The following ADAMTS12 variants were observed in gnomAD, a reference collection of about 807,000 sequenced individuals.
ADAMTS12 encodes the protein A disintegrin and metalloproteinase with thrombospondin motifs 12.
A neutral mutation model predicts 167.8 loss-of-function variants in ADAMTS12; 118 were observed. That is an observed-to-expected ratio of 0.70 (90% CI 0.61 to 0.82). ADAMTS12 has a LOEUF of 0.82. Among genes scored for constraint, ADAMTS12 ranks in the 40% least tolerant of loss-of-function variants. The probability of loss-of-function intolerance (pLI) is 0.00; values close to 1 mark genes in which losing one functional copy is unlikely to be tolerated. For synonymous variants in ADAMTS12, 704 were observed against 716.9 expected (o/e 0.98, Z 0.29); for missense variants, 1,916 against 1,998.8 (o/e 0.96, Z 0.79).
intron 16 of ADAMTS12, among the ~76,000 whole-genome samples, chr5:33,612,772 G>A (rs1738790421): frequency 6.6e-6 from 1 of 152,170 alleles, no homozygotes; most frequent in African/African-American, 2.4e-5. Context: ...GTTTGGAAAT[G>A]CTAGAGGCAG....
intron 20 of ADAMTS12, among the ~76,000 whole-genome samples, chr5:33,559,515 G>A (rs1745637360): frequency 6.6e-6 from 1 of 152,184 alleles, no homozygotes; most frequent in Non-Finnish European, 1.5e-5. Context: ...TTTTCACAAG[G>A]AACTATGGAG....
At chr5:33,609,879 A>C (rs1414259037) in intron 16 of ADAMTS12, among the ~76,000 whole-genome samples, 1 of 152,184 alleles carries the variant, frequency 6.6e-6, no homozygotes, top group African/African-American at 2.4e-5. Context: ...AAAAAATAAT[A>C]CATATAAATT....
chr5:33,722,638 G>A (rs141674539), intron 3 of ADAMTS12, among the ~76,000 whole-genome samples: 5 of 152,284 alleles, frequency 3.3e-5, no homozygotes, highest in African/African-American at 1.2e-4. Flanking sequence ...TGGCTATGCA[G>A]AAACGAAGAC....
intron 3 of ADAMTS12, among the ~76,000 whole-genome samples, chr5:33,694,196 G>T (rs1325353685): frequency 1.3e-5 from 2 of 152,126 alleles, no homozygotes; most frequent in Non-Finnish European, 2.9e-5. Context: ...TCATGGATAG[G>T]AAGAATCAAT....
intron 2 of ADAMTS12, among the ~76,000 whole-genome samples, chr5:33,795,771 A>C (rs1480558623): frequency 6.6e-6 from 1 of 152,224 alleles, no homozygotes; most frequent in Non-Finnish European, 1.5e-5. Flanking sequence ...CACTGGTAGA[A>C]GTAAAAGCTG....
intron 3 of ADAMTS12, among the ~76,000 whole-genome samples, chr5:33,721,267 T>C (rs1743795379): frequency 6.6e-6 from 1 of 152,228 alleles, no homozygotes; most frequent in African/African-American, 2.4e-5. Context: ...TGTCATGTTC[T>C]GCTTCTTGGC....
chr5:33,754,861 AAAATAAAT>A (rs373100027), intron 2 of ADAMTS12, among the ~76,000 whole-genome samples: 2 of 152,090 alleles, frequency 1.3e-5, no homozygotes, highest in Admixed American at 6.6e-5. Flanking sequence ...ACTCCATCTC[AAAATAAAT>A]AAATAAATAA....
At chr5:33,851,540 G>A (rs1007012286) in intron 2 of ADAMTS12, among the ~76,000 whole-genome samples, 1 of 152,114 alleles carries the variant, frequency 6.6e-6, no homozygotes, top group African/African-American at 2.4e-5. Context: ...CTTTCCAGAG[G>A]AGGGATGTAA....
chr5:33,643,389 C>T lies in ADAMTS12; in HGVS notation c.1561G>A (p.Gly521Ser), dbSNP rs1740540442. 4 of 1,614,132 alleles carry T rather than the reference C, an allele frequency of 2.5e-6. No homozygotes were observed. The East Asian group carries it at 8.9e-5, about 36-fold the overall frequency. Residue 521 changes from glycine to serine, a missense_variant, in exon 10 of 24, where the codon GGT becomes AGT. By Grantham distance (56) the Gly-to-Ser change is moderately conservative. Coordinates refer to ENST00000504830, the MANE Select transcript of ADAMTS12 (RefSeq NM_030955.4). ...LDAAADGTQC[G>S]EKKWCMAGKC... ...GCCTGACGCATCACCTTCTTCTCAC[C>T]ACATTGAGTTCCATCTGCAGCAGCG... is the stretch of plus-strand genomic sequence containing the variant.
At chr5:33,590,197 A>G (rs978642929) in intron 17 of ADAMTS12, among the ~76,000 whole-genome samples, 4 of 152,206 alleles carry the variant, frequency 2.6e-5, no homozygotes, top group Non-Finnish European at 4.4e-5. Context: ...AGCCTAATTT[A>G]TCTAAGTACT....
intron 13 of ADAMTS12, 106 bp from the exon 14 acceptor site, chr5:33,624,457 G>C: frequency 2.0e-6 from 3 of 1,480,068 alleles, no homozygotes; most frequent in Non-Finnish European, 2.7e-6. Context: ...GACTGGGCAG[G>C]AGGTACCAGG....
intron 2 of ADAMTS12, among the ~76,000 whole-genome samples, chr5:33,770,203 A>T (rs542686721): frequency 6.6e-6 from 1 of 152,294 alleles, no homozygotes; most frequent in South Asian, 2.1e-4. Flanking sequence ...TGAAGAGGAA[A>T]TGGCCTTATG....
chr5:33,751,368 A>G lies in ADAMTS12; in HGVS notation c.634+36T>C, dbSNP rs753906035. ...TAAAACAACCAAAAGAACAAAACAG[A>G]TTCTTCAACCCAGGAGGACATGTGA... On this transcript the variant is annotated intron_variant, in intron 3 of 23. Transcript: ENST00000504830. The G allele has an allele frequency of 1.9e-6, 3 of 1,614,022 alleles. No homozygotes were observed. In the South Asian group the frequency reaches 3.3e-5, roughly 18 times the overall value.
intron 3 of ADAMTS12, among the ~76,000 whole-genome samples, chr5:33,749,052 A>G (rs1381703136): frequency 1.6e-4 from 24 of 152,288 alleles, no homozygotes. Flanking sequence ...TGGAAAAGGC[A>G]TGTTTCTTTT....
intron 2 of ADAMTS12, among the ~76,000 whole-genome samples, chr5:33,777,090 A>C (rs116741962): frequency 5.3e-4 from 80 of 152,286 alleles, no homozygotes; most frequent in African/African-American, 1.9e-3. Flanking sequence ...GAATTCTTCC[A>C]AACATTTAAA....
At chr5:33,639,878 A>T (rs1337483933) in intron 11 of ADAMTS12, among the ~76,000 whole-genome samples, 1 of 152,158 alleles carries the variant, frequency 6.6e-6, no homozygotes, top group Non-Finnish European at 1.5e-5. Context: ...TTCCTCACTC[A>T]TGAAAGAGTT....
chr5:33,758,138 T>C (rs1745230066), intron 2 of ADAMTS12, among the ~76,000 whole-genome samples: 1 of 152,210 alleles, frequency 6.6e-6, no homozygotes, highest in Non-Finnish European at 1.5e-5. Flanking sequence ...AAGTGCCCGA[T>C]AAGCATATTG....
chr5:33,543,024 TGAA>T (rs1744786223), intron 22 of ADAMTS12, among the ~76,000 whole-genome samples: 1 of 152,052 alleles, frequency 6.6e-6, no homozygotes, highest in African/African-American at 2.4e-5. Flanking sequence ...AGAGCAGAAC[TGAA>T]GGAGATAGAG....
intron 23 of ADAMTS12, 72 bp from the exon 24 acceptor site, chr5:33,527,438 A>G: frequency 4.9e-6 from 7 of 1,441,718 alleles, no homozygotes; most frequent in Non-Finnish European, 6.7e-6. Flanking sequence ...CACAACTTCT[A>G]TTAATGTAAG....
Sources: allele counts gnomAD v4.1 joint callset (sites outside exome capture counted in the v4.1 genomes callset), GRCh38; gene constraint gnomAD v4.1.1; transcripts MANE v1.5; gene names NCBI Gene and HGNC (gene_info 2026-07-23, HGNC 2026-07-21).